Variants in WASHC2C observed in about 807,000 individuals in gnomAD.
WASHC2C encodes the protein WASH complex subunit 2C.
In WASHC2C, 73 loss-of-function variants were observed where a neutral mutation model predicts 142.2. The ratio of observed to expected loss-of-function variants is 0.51; its 90% CI spans 0.43 to 0.62. The LOEUF (loss-of-function observed/expected upper bound fraction) is 0.62. Ranked by LOEUF, WASHC2C falls within the 20% of genes least tolerant of loss-of-function variation. The probability of loss-of-function intolerance (pLI) is 0.00; values close to 1 mark genes in which losing one functional copy is unlikely to be tolerated. For synonymous variants in WASHC2C, 337 were observed against 565.5 expected (o/e 0.60, Z 5.73); for missense variants, 969 against 1,531.7 (o/e 0.63, Z 6.13).
intron 18 of WASHC2C, among the ~76,000 whole-genome samples, chr10:45,763,838 A>T (rs2055439840): frequency 3.3e-5 from 5 of 151,916 alleles, no homozygotes; most frequent in Admixed American, 3.3e-4. Flanking sequence ...AGTAGCTGGG[A>T]CTACAGGTAC....
intron 5 of WASHC2C, among the ~76,000 whole-genome samples, chr10:45,741,473 C>A (rs1484977242): frequency 6.6e-6 from 1 of 151,526 alleles, no homozygotes; most frequent in Non-Finnish European, 1.5e-5. Context: ...TTTTTTTTCC[C>A]CTTGCAGAGA....
At chr10:45,790,852 T>C (rs2058354123) in intron 30 of WASHC2C, among the ~76,000 whole-genome samples, 1 of 152,182 alleles carries the variant, frequency 6.6e-6, no homozygotes, top group African/African-American at 2.4e-5. Flanking sequence ...TGATCAGAAA[T>C]GACCTCACGT....
In WASHC2C at chr10:45,727,292, GGAGCCCACC is replaced by G. The variant is rs1249368355; in HGVS notation, c.-20_-12del. 1.3e-6 allele frequency: 2 copies of G among 1,559,366 alleles called. No homozygotes were observed. Among genetic ancestry groups the G allele is most frequent in the African/African-American group, 2.7e-5 (2 of 73,478 alleles). On this transcript the variant is annotated 5_prime_UTR_variant, in exon 1 of 31. Coordinates refer to ENST00000623400, the MANE Select transcript of WASHC2C (RefSeq NM_001330074.2). The stretch of plus-strand genomic sequence containing the variant: ...GTCCTCGGCCTGTGCTGGCAGCCTC[GGAGCCCACC>G]GAGCCGGGCGGCTGGGATGGTGAGG...
At chr10:45,786,837 C>G in intron 27 of WASHC2C, 163 bp downstream of exon 27, 1 of 1,537,616 alleles carries the variant, frequency 6.5e-7, no homozygotes, top group East Asian at 2.3e-5. Context: ...TCTTTAACAT[C>G]TATTCTTTGA....
intron 7 of WASHC2C, 44 bp from the exon 8 acceptor site, chr10:45,746,556 A>C (rs2052859392): frequency 1.2e-6 from 2 of 1,604,854 alleles, no homozygotes; most frequent in African/African-American, 1.3e-5. Context: ...CTGTGCTTCT[A>C]AGTAAAGCCC....
At chr10:45,762,877 G>A (rs1484025552) in intron 17 of WASHC2C, among the ~76,000 whole-genome samples, 5 of 152,226 alleles carry the variant, frequency 3.3e-5, no homozygotes, top group Non-Finnish European at 5.9e-5. Context: ...CTGCACTGCA[G>A]CCTGGGCAAC....
intron 23 of WASHC2C, among the ~76,000 whole-genome samples, chr10:45,782,303 G>A (rs1231255646): frequency 7.2e-5 from 11 of 151,864 alleles, no homozygotes; most frequent in Admixed American, 1.3e-4. Context: ...AAATAGGTAA[G>A]ACAGACATCT....
chr10:45,775,679 A>ATTTTTT (rs1554886147), intron 21 of WASHC2C, among the ~76,000 whole-genome samples: 3 of 137,832 alleles, frequency 2.2e-5, no homozygotes, highest in African/African-American at 8.1e-5. Flanking sequence ...ATTTGCATTG[A>ATTTTTT]ATTTTTTTTT....
chr10:45,771,957 A>T (rs1323751760), intron 20 of WASHC2C, among the ~76,000 whole-genome samples: 5 of 152,248 alleles, frequency 3.3e-5, no homozygotes, highest in Non-Finnish European at 7.3e-5. Context: ...ATGAGTGTTT[A>T]TTGCAGCCTT....
chr10:45,728,092 C>G (rs2610482), intron 2 of WASHC2C, among the ~76,000 whole-genome samples: 1 of 138,678 alleles, frequency 7.2e-6, no homozygotes, highest in South Asian at 2.2e-4. Flanking sequence ...GCAAGTGGCT[C>G]GATCTTGGCT....
intron 17 of WASHC2C, 79 bp from the exon 18 acceptor site, chr10:45,763,309 T>A (rs1554880818): frequency 1.7e-6 from 1 of 596,310 alleles, no homozygotes; most frequent in Admixed American, 3.0e-5. Flanking sequence ...CATGTCTGAG[T>A]CACTTGTGTT....
chr10:45,787,305 T>G (rs2058112971), intron 28 of WASHC2C, 58 bp downstream of exon 28: 1 of 727,924 alleles, frequency 1.4e-6, no homozygotes, highest in Non-Finnish European at 2.3e-6. Flanking sequence ...ATGCATATGC[T>G]TCTTTCTAGT....
rs1263644225 is a variant in WASHC2C, at chr10:45,789,194, C to T, written c.3411C>T (p.Ser1137=). The T allele has an allele frequency of 1.2e-6, 2 of 1,612,038 alleles. No homozygotes were observed. Among genetic ancestry groups the T allele is most frequent in the African/African-American group, 1.3e-5 (1 of 74,972 alleles). ...ADLFDSGDIF[S]TGTGSQSVER... ...TTTTTGATTCTGGGGACATTTTTTC[C>T]ACGGGCACTGGATCTCAGTCCGTGG... The change falls in exon 29 of 31, where the codon TCC becomes TCT. Residue 1137 remains serine, a synonymous_variant. Transcript: ENST00000623400.
chr10:45,756,025 GAATGCACACAGGTCTCAGTGAAGATGAC>G, intron 15 of WASHC2C, among the ~76,000 whole-genome samples: 1 of 144,640 alleles, frequency 6.9e-6, no homozygotes, highest in Non-Finnish European at 1.5e-5. Context: ...AACGGATGCA[GAATGCACACAGGTCTCAGTGAAGATGAC>G]AATGCACACA....
intron 7 of WASHC2C, 30 bp downstream of exon 7, chr10:45,744,912 G>T: frequency 1.9e-6 from 1 of 537,224 alleles, no homozygotes; most frequent in Non-Finnish European, 3.2e-6. Flanking sequence ...ACCAGGTCAC[G>T]GTGGGCAGCA....
Position 45,789,123 on chromosome 10 carries a change from A to G in WASHC2C, c.3340A>G (p.Ser1114Gly). The change falls in exon 29 of 31, where the codon AGC becomes GGC. Residue 1114 changes from serine (S) to glycine (G), a missense_variant. Physicochemically the swap from Ser to Gly is moderately conservative, Grantham distance 56. Transcript: ENST00000623400. ...EGGPVPGVDT[S>G]PFAKSLGHSR... ...TGGTCCTGTGCCTGGAGTGGACACA[A>G]GCCCCTTTGCAAAGTCTCTGGGTCA... 1 of 1,612,074 alleles carries G rather than the reference A, an allele frequency of 6.2e-7. No individual in the cohort carries two copies. The highest frequency in any genetic ancestry group is 8.5e-7 in the Non-Finnish European group (1 of 1,179,866).
chr10:45,738,236 A>C lies in WASHC2C; in HGVS notation c.354+191A>C, dbSNP rs185904606. Among the ~76,000 whole-genome samples, 386 of 152,224 alleles carry C rather than the reference A, an allele frequency of 2.5e-3. 3 individuals carry two copies. The highest frequency in any genetic ancestry group is 8.9e-3 in the African/African-American group (368 of 41,506). On this transcript the variant is annotated intron_variant, in intron 4 of 30. Coordinates refer to ENST00000623400, the MANE Select transcript of WASHC2C (RefSeq NM_001330074.2). Reference sequence around the variant, plus strand: ...GTATATTAACTAATACAGAGATCAAATCCTTGAATTCTGATATAAGAATAG... The same window carrying C: ...GTATATTAACTAATACAGAGATCAACTCCTTGAATTCTGATATAAGAATAG...
At chr10:45,769,364 C>T (rs1313032031) in intron 19 of WASHC2C, 85 bp from the exon 20 acceptor site, 17 of 1,457,898 alleles carry the variant, frequency 1.2e-5, no homozygotes, top group African/African-American at 2.9e-5. Flanking sequence ...GTGATTCACC[C>T]GCCTCGGCCT....
At chr10:45,774,735 A>G (rs2135464948) in intron 21 of WASHC2C, among the ~76,000 whole-genome samples, 1 of 58,200 alleles carries the variant, frequency 1.7e-5, no homozygotes, top group Admixed American at 2.1e-4. Context: ...CTACTAGCCC[A>G]GTAAAGAGAC....
Sources: gnomAD v4.1 joint callset for allele counts (sites outside exome capture counted in the v4.1 genomes callset) on GRCh38, gnomAD v4.1.1 for gene constraint, MANE v1.5 for transcripts, NCBI Gene and HGNC (gene_info 2026-07-23, HGNC 2026-07-21) for gene names.